The following FRMD4A variants were observed in gnomAD, a reference collection of about 807,000 sequenced individuals.
The protein encoded by FRMD4A is FERM domain containing 4A, also known as FERM domain-containing protein 4A.
In FRMD4A, 29 loss-of-function variants were observed where a neutral mutation model predicts 129.1. The ratio of observed to expected loss-of-function variants is 0.22; its 90% CI spans 0.17 to 0.31. The LOEUF is 0.31. FRMD4A is among the 10% of genes least tolerant of loss of function. The pLI, the probability that FRMD4A is intolerant of heterozygous loss-of-function variation, is 1.00. For synonymous variants in FRMD4A, 634 were observed against 571.6 expected (o/e 1.11, Z -1.56); for missense variants, 1,272 against 1,375.8 (o/e 0.92, Z 1.19).
chr10:13,986,472 G>T (rs981561019), intron 2 of FRMD4A, among the ~76,000 whole-genome samples: 1 of 125,328 alleles, frequency 8.0e-6, no homozygotes. Context: ...ACAGGAAGGG[G>T]AACATCACAC....
At chr10:14,315,769 C>G (rs1170454115) in intron 2 of FRMD4A, among the ~76,000 whole-genome samples, 1 of 152,190 alleles carries the variant, frequency 6.6e-6, no homozygotes, top group Non-Finnish European at 1.5e-5. Context: ...TTAAATTCTG[C>G]CTTAAACTAT....
chr10:14,330,616 G>A lies in FRMD4A; in HGVS notation c.-101C>T. 2.5e-6 allele frequency: 1 copy of A among 399,956 alleles called. No homozygotes were observed. The allele number at this position is 399,956 out of a possible 1,614,324, so 24.8% of individuals were successfully genotyped here. ...ACATACCGCTCGCAATCTGGTCAGT[G>A]TCTTCTTTGCTGCAGATAGGTGTGT... On this transcript the variant is annotated 5_prime_UTR_variant, in exon 1 of 25. Transcript: ENST00000357447.
chr10:14,023,899 G>A (rs1327639310), intron 2 of FRMD4A, among the ~76,000 whole-genome samples: 3 of 151,968 alleles, frequency 2.0e-5, no homozygotes, highest in Admixed American at 1.3e-4. Flanking sequence ...GGAATTCTGG[G>A]GACAGTGAAG....
intron 2 of FRMD4A, among the ~76,000 whole-genome samples, chr10:14,296,560 T>C (rs1255123918): frequency 6.6e-6 from 1 of 152,204 alleles, no homozygotes; most frequent in African/African-American, 2.4e-5. Context: ...ATCCCACGCA[T>C]ACCAGTGAAA....
At chr10:14,159,606 TC>T (rs1490487985) in intron 2 of FRMD4A, among the ~76,000 whole-genome samples, 1 of 152,136 alleles carries the variant, frequency 6.6e-6, no homozygotes, top group Non-Finnish European at 1.5e-5. Context: ...CCAATGACAT[TC>T]TTTACAAAAA....
intron 2 of FRMD4A, among the ~76,000 whole-genome samples, chr10:14,182,310 C>T (rs1841939423): frequency 6.6e-6 from 1 of 152,144 alleles, no homozygotes; most frequent in Non-Finnish European, 1.5e-5. Flanking sequence ...GAGGCTCAGG[C>T]AATGAAATTG....
intron 4 of FRMD4A, among the ~76,000 whole-genome samples, chr10:13,804,441 G>C (rs2093320547): frequency 6.6e-6 from 1 of 152,220 alleles, no homozygotes; most frequent in Non-Finnish European, 1.5e-5. Flanking sequence ...AGGACCTGAG[G>C]ACAGCACAGA....
At chr10:13,966,974 A>G (rs2095488990) in intron 2 of FRMD4A, among the ~76,000 whole-genome samples, 1 of 152,228 alleles carries the variant, frequency 6.6e-6, no homozygotes, top group Admixed American at 6.5e-5. Flanking sequence ...TAACTCTGGA[A>G]TGGAAAACCA....
At chr10:14,329,306 G>A (rs1843416251) in intron 2 of FRMD4A, among the ~76,000 whole-genome samples, 1 of 152,228 alleles carries the variant, frequency 6.6e-6, no homozygotes, top group Admixed American at 6.5e-5. Flanking sequence ...AAAGGAGAGA[G>A]ATGCAAAACC....
intron 4 of FRMD4A, among the ~76,000 whole-genome samples, chr10:13,804,378 T>C (rs548332535): frequency 4.2e-4 from 64 of 152,330 alleles, no homozygotes; most frequent in Non-Finnish European, 6.0e-4. Context: ...GCTGAATGAC[T>C]GAACCCTTTT....
chr10:14,206,286 G>C (rs1359860276), intron 2 of FRMD4A, among the ~76,000 whole-genome samples: 2 of 152,150 alleles, frequency 1.3e-5, no homozygotes, highest in African/African-American at 4.8e-5. Context: ...AACCCAGTCA[G>C]CACTTAAGTT....
At chr10:13,817,999 C>T (rs2093571787) in intron 3 of FRMD4A, among the ~76,000 whole-genome samples, 1 of 152,106 alleles carries the variant, frequency 6.6e-6, no homozygotes, top group Admixed American at 6.5e-5. Flanking sequence ...TGGTATTTAC[C>T]ATCACTTATA....
intron 2 of FRMD4A, among the ~76,000 whole-genome samples, chr10:13,994,475 C>G (rs1358734418): frequency 6.6e-6 from 1 of 152,054 alleles, no homozygotes; most frequent in Admixed American, 6.6e-5. Flanking sequence ...CCATGCCTGG[C>G]TAATGCCCAG....
At chr10:14,227,108 AG>A (rs988229210) in intron 2 of FRMD4A, among the ~76,000 whole-genome samples, 2 of 152,082 alleles carry the variant, frequency 1.3e-5, no homozygotes, top group African/African-American at 4.8e-5. Context: ...AATTCCCTGA[AG>A]GTGCCAAGCT....
intron 2 of FRMD4A, among the ~76,000 whole-genome samples, chr10:14,102,460 G>A (rs1837358798): frequency 6.6e-6 from 1 of 152,168 alleles, no homozygotes; most frequent in Admixed American, 6.5e-5. Flanking sequence ...CCGGGAGGCG[G>A]ACACATTGAG....
intron 12 of FRMD4A, among the ~76,000 whole-genome samples, chr10:13,736,150 TCAAACAAA>T (rs546327848): frequency 1.1e-4 from 16 of 151,838 alleles, no homozygotes; most frequent in South Asian, 2.1e-4. Flanking sequence ...AGACTCCATC[TCAAACAAA>T]CAAACAAACA....
intron 2 of FRMD4A, among the ~76,000 whole-genome samples, chr10:14,260,268 A>G (rs1417938364): frequency 6.6e-6 from 1 of 152,168 alleles, no homozygotes; most frequent in Non-Finnish European, 1.5e-5. Context: ...TTTAAGAGGA[A>G]TTGGAGTTTG....
intron 2 of FRMD4A, among the ~76,000 whole-genome samples, chr10:14,300,653 G>A (rs1336047165): frequency 2.0e-5 from 3 of 152,120 alleles, no homozygotes; most frequent in African/African-American, 7.2e-5. Context: ...ATATTTAACA[G>A]GTCATTGATG....
intron 4 of FRMD4A, among the ~76,000 whole-genome samples, chr10:13,800,556 T>C (rs1015851000): frequency 1.5e-4 from 23 of 152,278 alleles, no homozygotes; most frequent in African/African-American, 4.8e-4. Context: ...GAATATTCCA[T>C]TTGTGGAATA....
Sources: gnomAD v4.1 joint callset for allele counts (sites outside exome capture counted in the v4.1 genomes callset) on GRCh38, gnomAD v4.1.1 for gene constraint, MANE v1.5 for transcripts, NCBI Gene and HGNC (gene_info 2026-07-23, HGNC 2026-07-21) for gene names.